The following MMP14 variants were observed in gnomAD, a reference collection of about 807,000 sequenced individuals.
The protein encoded by MMP14 is matrix metallopeptidase 14, also known as matrix metalloproteinase-14.
In MMP14, 13 loss-of-function variants were observed where a neutral mutation model predicts 64.8. That is an observed-to-expected ratio of 0.20 (90% confidence interval 0.13 to 0.32). The LOEUF (loss-of-function observed/expected upper bound fraction) is 0.32. Ranked by LOEUF, MMP14 falls within the 10% of genes least tolerant of loss-of-function variation. The probability of loss-of-function intolerance (pLI) is 1.00; values close to 1 mark genes in which losing one functional copy is unlikely to be tolerated. For synonymous variants in MMP14, 322 were observed against 315.9 expected, an observed-to-expected ratio of 1.02 and a Z score of -0.20; for missense variants, 594 against 783.8, an observed-to-expected ratio of 0.76 and a Z score of 2.89.
chr14:22,847,682 CG>C lies in MMP14; in HGVS notation c.*1647del. On this transcript the variant is annotated 3_prime_UTR_variant, in exon 10 of 10. Coordinates refer to ENST00000311852, the MANE Select transcript of MMP14 (RefSeq NM_004995.4). ...CGTCTGACCCCAGGAACCTGCAGGGCGGGGCTGGGTCGGTGCCCTCTAAGGA... is the reference window on the plus strand; with the variant it reads ...CGTCTGACCCCAGGAACCTGCAGGGCGGGCTGGGTCGGTGCCCTCTAAGGA... 1 of 150,506 alleles carries C rather than the reference CG, an allele frequency of 6.6e-6. No homozygotes were observed. The highest frequency in any genetic ancestry group is 2.0e-4 in the East Asian group (1 of 5,110). The allele number at this position is 150,506 out of a possible 1,614,324, so 9.3% of individuals were successfully genotyped here.
At position 22,844,760 on chromosome 14, in the gene MMP14, C is replaced by T. The variant is rs1382822381; in HGVS notation, c.1281C>T (p.Thr427=). Reference sequence around the variant, plus strand: ...TCTTCTGGATGCCCAATGGAAAGACCTACTTCTTCCGTGGAAACAAGTAAG... The same window carrying T: ...TCTTCTGGATGCCCAATGGAAAGACTTACTTCTTCCGTGGAAACAAGTAAG... ...AALFWMPNGK[T]YFFRGNKYYR... The change falls in exon 8 of 10, where the codon ACC becomes ACT. Residue 427 remains threonine, a synonymous_variant. Coordinates refer to ENST00000311852, the MANE Select transcript of MMP14 (RefSeq NM_004995.4). 2 of 1,614,106 alleles carry T rather than the reference C, an allele frequency of 1.2e-6. No individual in the cohort carries two copies. Among genetic ancestry groups the T allele is most frequent in the Admixed American group, 3.3e-5 (2 of 60,016 alleles).
intron 9 of MMP14, 72 bp from the exon 10 acceptor site, chr14:22,845,636 C>T (rs1015664360): frequency 1.3e-6 from 2 of 1,487,676 alleles, no homozygotes; most frequent in Non-Finnish European, 9.3e-7. Flanking sequence ...ATTAACAGAG[C>T]TTCCCTCGCT....
rs2138745687 is a variant in MMP14, at chr14:22,845,798, G to A, written c.1508G>A (p.Arg503Lys). Residue 503 changes from arginine (R) to lysine (K), a missense_variant, in exon 10 of 10, where the codon AGG becomes AAG. Physicochemically the swap from Arg to Lys is conservative, Grantham distance 26 (BLOSUM62 2). This residue lies in a region of MMP14 where 364 missense variants were observed against 425.2 expected (regional missense o/e 0.86). Transcript: ENST00000311852. The stretch of plus-strand genomic sequence containing the variant: ...CCGGGCTACCCCAAGTCAGCCCTGA[G>A]GGACTGGATGGGCTGCCCATCGGGA... ...VEPGYPKSALRDWMGCPSGGR... is the reference protein window; with the variant it reads ...VEPGYPKSALKDWMGCPSGGR... 6.2e-7 allele frequency: 1 copy of A among 1,614,188 alleles called. No homozygotes were observed. The highest frequency in any genetic ancestry group is 8.5e-7 in the Non-Finnish European group (1 of 1,180,040).
chr14:22,840,123 C>A (rs1015432722), intron 1 of MMP14, among the ~76,000 whole-genome samples: 1 of 152,024 alleles, frequency 6.6e-6, no homozygotes, highest in Non-Finnish European at 1.5e-5. Flanking sequence ...CCCACCACCA[C>A]GTGCAGCTAA....
In MMP14 at chr14:22,843,486, CCT is replaced by C. The variant is rs112336659; in HGVS notation, c.850+71_850+72del. 9.0e-6 allele frequency: 14 copies of C among 1,554,956 alleles called. No individual in the cohort carries two copies. Among genetic ancestry groups the C allele is most frequent in the African/African-American group, 6.7e-5 (5 of 74,082 alleles). ...GTTCCCTCCTGGTCTACGCATTTCC[CCT>C]CTTTTATGCCTTGCAGTCTCCGCAC... is the stretch of plus-strand genomic sequence containing the variant. On this transcript the variant is annotated intron_variant, in intron 5 of 9. Coordinates refer to ENST00000311852, the MANE Select transcript of MMP14 (RefSeq NM_004995.4). The surrounding 1 kb of genome is among the most constrained non-coding windows in gnomAD (Gnocchi z 4.8).
intron 1 of MMP14, chr14:22,837,503 G>A: frequency 2.3e-6 from 1 of 427,446 alleles, no homozygotes; most frequent in Non-Finnish European, 4.7e-6. Context: ...AGAGGACCCC[G>A]CTGTGTCCCT....
rs2039807386 is a variant in MMP14 at position 22,845,704 on chromosome 14, G to A, written c.1418-4G>A. ...CTTACCACCTTCTGATTCACTCCCT[G>A]CAGTCTTCACTTACTTCTACAAGGG... On this transcript the variant is annotated splice_region_variant and splice_polypyrimidine_tract_variant and intron_variant, in intron 9 of 9. Transcript: ENST00000311852. 3 of 1,613,542 alleles carry A rather than the reference G, an allele frequency of 1.9e-6. No individual in the cohort carries two copies. Among genetic ancestry groups the A allele is most frequent in the South Asian group, 1.1e-5 (1 of 91,016 alleles).
In MMP14 at chr14:22,841,997, C is replaced by T. The variant is rs967239974; in HGVS notation, c.342C>T (p.Ile114=). The change falls in exon 3 of 10, where the codon ATC becomes ATT. Residue 114 remains isoleucine (I), a synonymous_variant. Transcript: ENST00000311852. The stretch of plus-strand genomic sequence containing the variant: ...ATGTTCGAAGGAAGCGCTACGCCAT[C>T]CAGGGTCTCAAATGGCAACATAATG... ...KANVRRKRYA[I]QGLKWQHNEI... 2 of 1,614,222 alleles carry T rather than the reference C, an allele frequency of 1.2e-6. No homozygotes were observed. Among genetic ancestry groups the T allele is most frequent in the Admixed American group, 3.3e-5 (2 of 60,022 alleles).
intron 6 of MMP14, among the ~76,000 whole-genome samples, chr14:22,844,146 G>A (rs952112743): frequency 5.3e-5 from 8 of 151,412 alleles, no homozygotes; most frequent in Non-Finnish European, 1.0e-4. Context: ...GCAGTGAGCC[G>A]AGATAGGGCC....
At position 22,842,575 on chromosome 14, in the gene MMP14, C is replaced by T. The variant is rs1473138788; in HGVS notation, c.546C>T (p.Ala182=). Residue 182 remains alanine, a synonymous_variant, in exon 4 of 10, where the codon GCC becomes GCT. Coordinates refer to ENST00000311852, the MANE Select transcript of MMP14 (RefSeq NM_004995.4). The surrounding 1 kb of genome is among the most constrained non-coding windows in gnomAD (Gnocchi z 5.3). ...EKQADIMIFF[A]EGFHGDSTPF... is the part of the protein sequence containing the mutation. ...AGGCCGACATCATGATCTTCTTTGC[C>T]GAGGGCTTCCATGGCGACAGCACGC... is the stretch of plus-strand genomic sequence containing the variant. 6 of 1,614,200 alleles carry T rather than the reference C, an allele frequency of 3.7e-6. No individual in the cohort carries two copies. Among genetic ancestry groups the T allele is most frequent in the South Asian group, 2.2e-5 (2 of 91,088 alleles).
chr14:22,842,680 T>A lies in MMP14; in HGVS notation c.651T>A (p.Ser217=), dbSNP rs1382591073. Residue 217 remains serine, a synonymous_variant, in exon 4 of 10, where the codon TCT becomes TCA. Coordinates refer to ENST00000311852, the MANE Select transcript of MMP14 (RefSeq NM_004995.4). The surrounding 1 kb of genome is among the most constrained non-coding windows in gnomAD (Gnocchi z 5.3). ...TTGGAGGAGACACCCACTTTGACTC[T>A]GCCGAGCCTTGGACTGTCAGGAATG... ...PNIGGDTHFD[S]AEPWTVRNED... 6.2e-7 allele frequency: 1 copy of A among 1,612,260 alleles called. No homozygotes were observed.
At chr14:22,840,373 C>T (rs1365971502) in intron 1 of MMP14, among the ~76,000 whole-genome samples, 1 of 152,250 alleles carries the variant, frequency 6.6e-6, no homozygotes, top group Non-Finnish European at 1.5e-5. Context: ...TTTAATCAAA[C>T]ACCAAAAACC....
chr14:22,841,487 A>T lies in MMP14; in HGVS notation c.109-4A>T. The stretch of plus-strand genomic sequence containing the variant: ...CACTCTAAGCCATACCCCTTTCCCT[A>T]CAGGCCTGGCTACAGCAATATGGCT... On this transcript the variant is annotated splice_polypyrimidine_tract_variant and splice_region_variant and intron_variant, in intron 1 of 9. Coordinates refer to ENST00000311852, the MANE Select transcript of MMP14 (RefSeq NM_004995.4). The T allele has an allele frequency of 6.2e-7, 1 of 1,613,244 alleles. No homozygotes were observed. Among genetic ancestry groups the T allele is most frequent in the African/African-American group, 1.3e-5 (1 of 74,992 alleles).
Position 22,836,874 on chromosome 14 carries a change from C to A in MMP14, c.57C>A (p.Gly19=), listed in dbSNP as rs1343163289. The change falls in exon 1 of 10, where the codon GGC becomes GGA. Residue 19 remains glycine (G), a synonymous_variant. Transcript: ENST00000311852. The part of the protein sequence containing the change: ...RCLLLPLLTL[G]TALASLGSAQ... ...TCCTGCTCCCCCTGCTCACGCTCGG[C>A]ACCGCGCTCGCCTCCCTCGGCTCGG... The A allele has an allele frequency of 6.2e-7, 1 of 1,613,690 alleles. No individual in the cohort carries two copies. The highest frequency in any genetic ancestry group is 8.5e-7 in the Non-Finnish European group (1 of 1,179,826).
Position 22,842,736 on chromosome 14 carries a change from G to A in MMP14, c.688+19G>A, listed in dbSNP as rs1237607805. On this transcript the variant is annotated intron_variant, in intron 4 of 9. Coordinates refer to ENST00000311852, the MANE Select transcript of MMP14 (RefSeq NM_004995.4). This position sits in a 1 kb window ranked among gnomAD's most constrained non-coding sequence, Gnocchi z 5.3. ...CTGAATGGTGAGCCAAGTATCCCTG[G>A]GACTTACTCTGGAAAAAGCCAACAG... 6.4e-7 allele frequency: 1 copy of A among 1,568,292 alleles called. No individual in the cohort carries two copies. Among genetic ancestry groups the A allele is most frequent in the Non-Finnish European group, 8.7e-7 (1 of 1,155,210 alleles).
chr14:22,839,435 C>T (rs1177698942), intron 1 of MMP14, among the ~76,000 whole-genome samples: 1 of 152,270 alleles, frequency 6.6e-6, no homozygotes, highest in African/African-American at 2.4e-5. Flanking sequence ...TGCTTGGCTC[C>T]CTCTGGTATA....
In MMP14 at chr14:22,842,238, G is replaced by A. The variant is rs1310191456; in HGVS notation, c.381-172G>A. Reference sequence around the variant, plus strand: ...CCCCAGTGCCAGAGAGCCAGAGCCTGAGGATCCCTTGTTCTTGAGACAGAG... The same window carrying A: ...CCCCAGTGCCAGAGAGCCAGAGCCTAAGGATCCCTTGTTCTTGAGACAGAG... On this transcript the variant is annotated intron_variant, in intron 3 of 9. Transcript: ENST00000311852. This position sits in a 1 kb window ranked among gnomAD's most constrained non-coding sequence, Gnocchi z 5.3. The A allele has an allele frequency of 1.0e-6, 1 of 1,004,674 alleles. No individual in the cohort carries two copies. The highest frequency in any genetic ancestry group is 1.4e-6 in the Non-Finnish European group (1 of 690,264). 62.2% of individuals were successfully genotyped at this position (1,004,674 alleles called of 1,614,324 possible).
In MMP14 at chr14:22,842,785, C is replaced by G. The variant is rs1459354508; in HGVS notation, c.688+68C>G. On this transcript the variant is annotated intron_variant, in intron 4 of 9. Coordinates refer to ENST00000311852, the MANE Select transcript of MMP14 (RefSeq NM_004995.4). The surrounding 1 kb of genome is among the most constrained non-coding windows in gnomAD (Gnocchi z 5.3). Reference sequence around the variant, plus strand: ...AGTCATTTGTAGGGGTGGTTCCCCTCCCTCCTTCCAAAATCTCCGGGCTAG... The same window carrying G: ...AGTCATTTGTAGGGGTGGTTCCCCTGCCTCCTTCCAAAATCTCCGGGCTAG... 1 of 1,476,240 alleles carries G rather than the reference C, an allele frequency of 6.8e-7. No homozygotes were observed. The highest frequency in any genetic ancestry group is 1.4e-5 in the African/African-American group (1 of 71,454). 91.4% of individuals were successfully genotyped at this position (1,476,240 alleles called of 1,614,324 possible). A position where few individuals can be genotyped will look rare whatever the true frequency, so the allele number is the denominator to read the frequency against.
At chr14:22,840,806 G>A (rs17878354) in intron 1 of MMP14, among the ~76,000 whole-genome samples, 13,666 of 152,184 alleles carry the variant, frequency 0.09, 803 homozygotes, top group East Asian at 0.18. Context: ...CACCGCGCCC[G>A]GCCACTGCTG....
Sources: gnomAD v4.1 joint callset for allele counts (sites outside exome capture counted in the v4.1 genomes callset) on GRCh38, gnomAD v4.1.1 for gene constraint, gnomAD v4.1.1 regional missense constraint, Gnocchi (gnomAD v3.1) non-coding constraint, MANE v1.5 for transcripts, NCBI Gene and HGNC (gene_info 2026-07-23, HGNC 2026-07-21) for gene names.